Variants in RGS3 observed in about 807,000 individuals in gnomAD.
RGS3 encodes regulator of G protein signaling 3.
In RGS3, 80 loss-of-function variants were observed where a neutral mutation model predicts 132.6. The ratio of observed to expected loss-of-function variants is 0.60; its 90% CI spans 0.50 to 0.73. The LOEUF is 0.73. Ranked by LOEUF, RGS3 falls within the 30% of genes least tolerant of loss-of-function variation. RGS3 has a pLI of 0.00. For missense variants in RGS3, 1,382 were observed against 1,530.8 expected (o/e 0.90, Z 1.62); for synonymous variants, 598 against 620.6 (o/e 0.96, Z 0.54).
exon 6 of RGS3, chr9:113,484,165 C>T: frequency 6.2e-7 from 1 of 1,612,052 alleles, no homozygotes; most frequent in Non-Finnish European, 8.5e-7. Context: ...AGATAGTAGA[C>T]TACGCCACCA....
intron 19 of RGS3, among the ~76,000 whole-genome samples, chr9:113,553,049 T>A (rs1464731069): frequency 6.6e-6 from 1 of 152,188 alleles, no homozygotes; most frequent in Non-Finnish European, 1.5e-5. Context: ...ATGTTTGATG[T>A]GGTTCCTCCA....
At chr9:113,555,667 C>G (rs1833538226) in intron 19 of RGS3, among the ~76,000 whole-genome samples, 1 of 152,048 alleles carries the variant, frequency 6.6e-6, no homozygotes, top group African/African-American at 2.4e-5. Flanking sequence ...GAGTTTCACC[C>G]TGTTGGTCAG....
rs137955943 is a variant in RGS3, at chr9:113,579,865, C to G, written c.2038-3585C>G. 2.3e-3 allele frequency among the ~76,000 whole-genome samples: 351 copies of G among 152,330 alleles called. 2 individuals carry two copies. Among genetic ancestry groups the G allele is most frequent in the African/African-American group, 7.7e-3 (320 of 41,580 alleles). On this transcript the variant is annotated intron_variant, in intron 19 of 24. Transcript: ENST00000350696. This position sits in a 1 kb window ranked among gnomAD's most constrained non-coding sequence, Gnocchi z 4.3. The stretch of plus-strand genomic sequence containing the variant: ...CACATCCTGCCCACATTCCCCAGAG[C>G]AGCTTTGACACAGCACAGCTCTGCC...
intron 18 of RGS3, among the ~76,000 whole-genome samples, chr9:113,533,715 G>T (rs1252482102): frequency 6.6e-6 from 1 of 152,220 alleles, no homozygotes; most frequent in Non-Finnish European, 1.5e-5. Flanking sequence ...CAGCTTCATG[G>T]AGTGATGGCC....
At chr9:113,478,327 C>T (rs750043645) in intron 3 of RGS3, among the ~76,000 whole-genome samples, 10 of 151,910 alleles carry the variant, frequency 6.6e-5, no homozygotes, top group African/African-American at 1.2e-4. Context: ...TGCTATAGTT[C>T]GTGGATATAT....
intron 3 of RGS3, chr9:113,478,948 T>A (rs1830076640): frequency 6.3e-6 from 1 of 159,716 alleles, no homozygotes; most frequent in Admixed American, 5.8e-5. Context: ...ACTTCACTAT[T>A]TCTATATTGA....
Position 113,541,316 on chromosome 9 carries a change from A to G in RGS3, c.2037+4398A>G, listed in dbSNP as rs1366344472. 14 of 1,612,770 alleles carry G rather than the reference A, an allele frequency of 8.7e-6. No individual in the cohort carries two copies. In the Admixed American group the frequency reaches 2.3e-4, roughly 27 times the overall value. ...GCTAATTCCAGTTCTGTCTGGTTCC[A>G]CAGAAACTCCACCCTTTCGGCTCTC... On this transcript the variant is annotated intron_variant, in intron 19 of 24. Coordinates refer to ENST00000350696, the Ensembl canonical transcript of RGS3.
chr9:113,569,191 C>T (rs1015159761), intron 19 of RGS3, among the ~76,000 whole-genome samples: 5 of 152,154 alleles, frequency 3.3e-5, no homozygotes, highest in Non-Finnish European at 7.3e-5. Flanking sequence ...GCATGCTTTT[C>T]GCCACATAGC....
chr9:113,507,551 C>A lies in RGS3; in HGVS notation c.1350C>A (p.Gly450=). 1 of 1,588,322 alleles carries A rather than the reference C, an allele frequency of 6.3e-7. No individual in the cohort carries two copies. The highest frequency in any genetic ancestry group is 8.6e-7 in the Non-Finnish European group (1 of 1,166,524). The change falls in exon 13 of 25, where the codon GGC becomes GGA. Residue 450 remains glycine (G), a synonymous_variant. Transcript: ENST00000350696. The surrounding 1 kb of genome is among the most constrained non-coding windows in gnomAD (Gnocchi z 5.0). ...ACACCGAGGTGGCCAAGCGCGGGGG[C>A]CAGCACACCCTGCCTGCACTGTCCC...
At chr9:113,487,100 CTTTTTTT>C (rs60523804) in intron 7 of RGS3, among the ~76,000 whole-genome samples, 3 of 116,968 alleles carry the variant, frequency 2.6e-5, no homozygotes, top group African/African-American at 9.5e-5. Context: ...TCATTTAATT[CTTTTTTT>C]TTTTTTTTTT....
At chr9:113,479,271 G>A (rs1830086690) in intron 3 of RGS3, 2 of 588,728 alleles carry the variant, frequency 3.4e-6, no homozygotes, top group South Asian at 2.0e-5. Context: ...GCACAAGCAA[G>A]GCTAGAGAAC....
At chr9:113,563,828 A>G (rs536432920) in intron 19 of RGS3, among the ~76,000 whole-genome samples, 1 of 151,342 alleles carries the variant, frequency 6.6e-6, no homozygotes, top group Non-Finnish European at 1.5e-5. Flanking sequence ...TCAGAGATAG[A>G]CAGGGGCAGG....
At chr9:113,517,675 G>A (rs1335275178) in intron 16 of RGS3, 51 bp downstream of exon 14, 1 of 1,423,378 alleles carries the variant, frequency 7.0e-7, no homozygotes, top group South Asian at 1.1e-5. Flanking sequence ...GGGCTTCATT[G>A]GCATTCTCCA....
At chr9:113,445,188 C>CTT (rs763073048) in intron 1 of RGS3, among the ~76,000 whole-genome samples, 5 of 142,984 alleles carry the variant, frequency 3.5e-5, no homozygotes, top group African/African-American at 1.3e-4. Flanking sequence ...TTTTCTTTTT[C>CTT]TTTTTTTTTT....
At chr9:113,460,595 A>G (rs1829450876) in intron 1 of RGS3, among the ~76,000 whole-genome samples, 1 of 152,162 alleles carries the variant, frequency 6.6e-6, no homozygotes, top group African/African-American at 2.4e-5. Context: ...ATTTTTAGTT[A>G]AAACACTTTA....
intron 19 of RGS3, chr9:113,564,875 C>A: frequency 1.0e-6 from 1 of 969,838 alleles, no homozygotes; most frequent in Non-Finnish European, 1.2e-6. Flanking sequence ...GGTTCAGTTG[C>A]AGCCTCCCAC....
At chr9:113,498,694 C>G (rs1830763401) in intron 10 of RGS3, among the ~76,000 whole-genome samples, 1 of 152,110 alleles carries the variant, frequency 6.6e-6, no homozygotes, top group Non-Finnish European at 1.5e-5. Context: ...GTGGGCGGAT[C>G]ACCTGAGGTA....
intron 14 of RGS3, among the ~76,000 whole-genome samples, chr9:113,509,374 G>C (rs570116022): frequency 6.6e-6 from 1 of 152,206 alleles, no homozygotes; most frequent in South Asian, 2.1e-4. Context: ...AGGGTTGTTG[G>C]GGGGATCCCA....
intron 7 of RGS3, among the ~76,000 whole-genome samples, chr9:113,486,189 A>G (rs575886716): frequency 6.6e-6 from 1 of 152,366 alleles, no homozygotes; most frequent in East Asian, 1.9e-4. Context: ...GGCCATCAGT[A>G]TGGGAAGAGG....
Sources: gnomAD v4.1 joint callset for allele counts (sites outside exome capture counted in the v4.1 genomes callset) on GRCh38, gnomAD v4.1.1 for gene constraint, Gnocchi (gnomAD v3.1) non-coding constraint, MANE v1.5 for transcripts, NCBI Gene and HGNC (gene_info 2026-07-23, HGNC 2026-07-21) for gene names.